The following PCDHGB4 variants were observed in gnomAD, a reference collection of about 807,000 sequenced individuals.
PCDHGB4 encodes protocadherin gamma-B4.
Under a neutral mutation model 60.5 loss-of-function variants are expected in PCDHGB4, and 38 were observed. The observed-to-expected ratio is 0.63, with a 90% CI of 0.48 to 0.82. The LOEUF (loss-of-function observed/expected upper bound fraction) is 0.82. Among genes scored for constraint, PCDHGB4 ranks in the 40% least tolerant of loss-of-function variants. The pLI is 0.00. For missense variants in PCDHGB4, 1,109 were observed against 1,209.6 expected, an observed-to-expected ratio of 0.92 and a Z score of 1.23; for synonymous variants, 456 against 509.7, an observed-to-expected ratio of 0.89 and a Z score of 1.42.
intron 1 of PCDHGB4, chr5:141,415,739 G>GGT (rs2095908308): frequency 2.3e-6 from 1 of 434,538 alleles, no homozygotes; most frequent in East Asian, 5.9e-5. Context: ...TGTTTATTAA[G>GGT]GTTTTTTTTT....
At chr5:141,454,953 G>A (rs1304192945) in intron 1 of PCDHGB4, among the ~76,000 whole-genome samples, 4 of 150,686 alleles carry the variant, frequency 2.7e-5, no homozygotes, top group Admixed American at 6.6e-5. Context: ...GACTACAGGC[G>A]CCGGCCACCA....
At chr5:141,424,297 A>G (rs2096812591) in intron 1 of PCDHGB4, 1 of 152,466 alleles carries the variant, frequency 6.6e-6, no homozygotes, top group African/African-American at 2.4e-5. Flanking sequence ...TCTTCATCCT[A>G]TCAACACAGA....
chr5:141,494,759 C>A (rs776923097), intron 1 of PCDHGB4, 48 bp from the exon 2 acceptor site: 3 of 1,613,886 alleles, frequency 1.9e-6, no homozygotes, highest in Non-Finnish European at 2.5e-6. Context: ...GGGTGACATT[C>A]TAACTTCTCA....
intron 1 of PCDHGB4, chr5:141,415,388 G>T: frequency 6.2e-7 from 1 of 1,614,236 alleles, no homozygotes; most frequent in Non-Finnish European, 8.5e-7. Context: ...GGCTTGACAG[G>T]TGTGTCCGGC....
At position 141,432,395 on chromosome 5, in the gene PCDHGB4, G is replaced by T. The variant is rs748660079; in HGVS notation, c.2397+42114G>T. On this transcript the variant is annotated intron_variant, in intron 1 of 3. Coordinates refer to ENST00000519479, the MANE Select transcript of PCDHGB4 (RefSeq NM_003736.4). This position sits in a 1 kb window ranked among gnomAD's most constrained non-coding sequence, Gnocchi z 6.0. ...CGGGCACCCGCCCCTCAGCAGCAAC[G>T]TGTCGTTGAGCCTGTTCGTGCTGGA... 5 of 1,614,242 alleles carry T rather than the reference G, an allele frequency of 3.1e-6. No individual in the cohort carries two copies. In the East Asian group the frequency reaches 8.9e-5, roughly 29 times the overall value.
At chr5:141,393,710 G>A (rs143738602) in intron 1 of PCDHGB4, 4 of 1,613,794 alleles carry the variant, frequency 2.5e-6, no homozygotes, top group Non-Finnish European at 3.4e-6. Flanking sequence ...AAAATACTGG[G>A]GAAATATCAA....
At chr5:141,430,925 C>G (rs1313621122) in intron 1 of PCDHGB4, 2 of 1,607,162 alleles carry the variant, frequency 1.2e-6, no homozygotes, top group Non-Finnish European at 8.5e-7. Context: ...GGGGCTGGAG[C>G]CCCGGGAGCT....
intron 1 of PCDHGB4, chr5:141,403,193 A>G (rs1291009856): frequency 1.9e-6 from 3 of 1,613,986 alleles, no homozygotes; most frequent in South Asian, 2.2e-5. Context: ...GAACCCGCGC[A>G]GCGGCACCTT....
intron 1 of PCDHGB4, chr5:141,422,812 T>C: frequency 6.2e-7 from 1 of 1,614,206 alleles, no homozygotes; most frequent in South Asian, 1.1e-5. Context: ...GTTTCGAGAC[T>C]TAGAACTGAG....
intron 1 of PCDHGB4, chr5:141,409,186 T>C: frequency 6.2e-7 from 1 of 1,614,042 alleles, no homozygotes; most frequent in Non-Finnish European, 8.5e-7. Flanking sequence ...GTGGTCTCTC[T>C]ACCCAGTGTA....
intron 1 of PCDHGB4, chr5:141,417,908 C>G (rs1255727429): frequency 6.3e-7 from 1 of 1,597,500 alleles, no homozygotes; most frequent in Non-Finnish European, 8.5e-7. Context: ...GCGGCAGGTA[C>G]TATTTCCTTT....
chr5:141,454,675 G>A (rs973403044), intron 1 of PCDHGB4, among the ~76,000 whole-genome samples: 8 of 151,764 alleles, frequency 5.3e-5, no homozygotes, highest in Non-Finnish European at 1.0e-4. Context: ...CAAAACACTG[G>A]GATTACAGGC....
At chr5:141,403,420 A>G in intron 1 of PCDHGB4, 1 of 1,614,050 alleles carries the variant, frequency 6.2e-7, no homozygotes, top group African/African-American at 1.3e-5. Flanking sequence ...CACTTCCAGA[A>G]GCTATTGATC....
chr5:141,452,641 CT>C (rs1351640847), intron 1 of PCDHGB4, among the ~76,000 whole-genome samples: 3 of 151,934 alleles, frequency 2.0e-5, no homozygotes, highest in Admixed American at 1.3e-4. Flanking sequence ...AATATATTTA[CT>C]CATTTGCTCC....
intron 1 of PCDHGB4, chr5:141,402,843 G>A (rs1370040306): frequency 5.7e-6 from 8 of 1,399,114 alleles, no homozygotes; most frequent in Non-Finnish European, 6.6e-6. Context: ...GCAAAACTCA[G>A]CCTCTTTCTT....
intron 1 of PCDHGB4, chr5:141,396,003 T>G (rs749303972): frequency 2.0e-5 from 3 of 152,232 alleles, no homozygotes; most frequent in Admixed American, 6.5e-5. Flanking sequence ...TTTAAACTGT[T>G]GAAAGTGACT....
intron 1 of PCDHGB4, chr5:141,410,592 T>C: frequency 1.2e-6 from 2 of 1,609,264 alleles, no homozygotes; most frequent in Non-Finnish European, 1.7e-6. Context: ...GGGGAGGATT[T>C]GACTTCACAT....
rs191909737 is a variant in PCDHGB4 at position 141,405,622 on chromosome 5, G to A, written c.2397+15341G>A. 9.3e-3 allele frequency: 5,090 copies of A among 544,656 alleles called. 46 individuals are homozygous for A. The highest frequency in any genetic ancestry group is 0.017 in the Admixed American group (494 of 29,130). The allele number at this position is 544,656 out of a possible 1,614,324, so 33.7% of individuals were successfully genotyped here. On this transcript the variant is annotated intron_variant, in intron 1 of 3. Transcript: ENST00000519479. ...GTAGAATAACTGGGACTACAGGCAC[G>A]TGCCACCACGCCCGGCTAATTTTTT...
Position 141,431,141 on chromosome 5 carries a change from G to T in PCDHGB4, c.2397+40860G>T. 1.2e-6 allele frequency: 2 copies of T among 1,614,212 alleles called. No homozygotes were observed. Among genetic ancestry groups the T allele is most frequent in the South Asian group, 1.1e-5 (1 of 91,084 alleles). On this transcript the variant is annotated intron_variant, in intron 1 of 3. Coordinates refer to ENST00000519479, the MANE Select transcript of PCDHGB4 (RefSeq NM_003736.4). This position sits in a 1 kb window ranked among gnomAD's most constrained non-coding sequence, Gnocchi z 4.8. ...AGAAGTAGAAGTAAGGGACATTAACGACAATGCGCCTTACTTTCGTGAAAG... is the reference window on the plus strand; with the variant it reads ...AGAAGTAGAAGTAAGGGACATTAACTACAATGCGCCTTACTTTCGTGAAAG...
Sources: allele counts gnomAD v4.1 joint callset (sites outside exome capture counted in the v4.1 genomes callset), GRCh38; gene constraint gnomAD v4.1.1; non-coding constraint Gnocchi (gnomAD v3.1); transcripts MANE v1.5; gene names NCBI Gene and HGNC (gene_info 2026-07-23, HGNC 2026-07-21).